Variants in GABRR2 observed in about 807,000 individuals in gnomAD.
GABRR2 encodes the protein gamma-aminobutyric acid type A receptor subunit rho2, also known as gamma-aminobutyric acid receptor subunit rho-2.
GABRR2 carries 36 observed loss-of-function variants against 47.0 expected under a neutral mutation model. That is an observed-to-expected ratio of 0.77 (90% CI 0.59 to 1.01). The LOEUF (loss-of-function observed/expected upper bound fraction) is 1.01, where lower values mean the gene tolerates loss of function less well. Among genes scored for constraint, GABRR2 ranks in the 50% least tolerant of loss-of-function variants. The pLI is 0.00. For missense variants in GABRR2, 587 were observed against 594.6 expected, an observed-to-expected ratio of 0.99 and a Z score of 0.13; for synonymous variants, 204 against 227.5, an observed-to-expected ratio of 0.90 and a Z score of 0.93.
At chr6:89,285,522 C>G (rs535510710) in intron 2 of GABRR2, among the ~76,000 whole-genome samples, 1 of 152,206 alleles carries the variant, frequency 6.6e-6, no homozygotes, top group Admixed American at 6.5e-5. Context: ...TGTGGCTCCT[C>G]CCTCCAGAGC....
Position 89,315,240 on chromosome 6 carries a change from T to C in GABRR2, c.-75A>G, listed in dbSNP as rs753235812. 15 of 1,605,866 alleles carry C rather than the reference T, an allele frequency of 9.3e-6. No homozygotes were observed. Among genetic ancestry groups the C allele is most frequent in the Non-Finnish European group, 1.3e-5 (15 of 1,175,184 alleles). On this transcript the variant is annotated 5_prime_UTR_variant, in exon 1 of 9. An upstream start codon of the reference 5' UTR is lost. Transcript: ENST00000402938. ...GAGCAAATCCCCCCTGGCTTGACCA[T>C]TGATCCATCTGCTGCCTCCTGACGG...
chr6:89,268,978 T>C, intron 4 of GABRR2, 33 bp downstream of exon 4: 1 of 1,589,604 alleles, frequency 6.3e-7, no homozygotes, highest in Non-Finnish European at 8.6e-7. Context: ...AGAAAGGCAC[T>C]GGACAGAGGA....
At chr6:89,302,341 C>A in intron 1 of GABRR2, 1 of 565,734 alleles carries the variant, frequency 1.8e-6, no homozygotes, top group African/African-American at 1.9e-5. Flanking sequence ...GCTGTCCATC[C>A]ACCAGCTGGT....
intron 1 of GABRR2, among the ~76,000 whole-genome samples, chr6:89,307,509 AT>A (rs1313898531): frequency 6.6e-6 from 1 of 152,222 alleles, no homozygotes; most frequent in African/African-American, 2.4e-5. Flanking sequence ...CTGGAAATTT[AT>A]TAAAGCTCCT....
intron 1 of GABRR2, chr6:89,302,507 AG>A (rs1767473324): frequency 1.4e-6 from 1 of 738,628 alleles, no homozygotes; most frequent in African/African-American, 1.8e-5. Flanking sequence ...TTCCCGGGCC[AG>A]CTCAATGCGG....
chr6:89,255,826 T>C lies in GABRR2; in HGVS notation c.*1844A>G, dbSNP rs1773589895. Among the ~76,000 whole-genome samples, 1 of 152,184 alleles carries C rather than the reference T, an allele frequency of 6.6e-6. No homozygotes were observed. Among genetic ancestry groups the C allele is most frequent in the Non-Finnish European group, 1.5e-5 (1 of 68,036 alleles). ...GCCCAGTGCAGTAGCTACTAGCAACTGTGCTTACTAAGCCCACTTGAGTGT... is the reference window on the plus strand; with the variant it reads ...GCCCAGTGCAGTAGCTACTAGCAACCGTGCTTACTAAGCCCACTTGAGTGT... On this transcript the variant is annotated 3_prime_UTR_variant, in exon 9 of 9. Coordinates refer to ENST00000402938, the MANE Select transcript of GABRR2 (RefSeq NM_002043.5).
At chr6:89,277,827 G>A (rs1774190338) in intron 2 of GABRR2, among the ~76,000 whole-genome samples, 1 of 129,312 alleles carries the variant, frequency 7.7e-6, no homozygotes, top group African/African-American at 2.9e-5. Context: ...AAGGATATGG[G>A]GCAACAGGAA....
intron 2 of GABRR2, among the ~76,000 whole-genome samples, chr6:89,291,340 A>G (rs1774436734): frequency 6.6e-6 from 1 of 152,114 alleles, no homozygotes; most frequent in Non-Finnish European, 1.5e-5. Flanking sequence ...CCTAAAGCCC[A>G]AGACGCATCC....
chr6:89,268,244 C>A, intron 4 of GABRR2, 148 bp from the exon 5 acceptor site: 1 of 680,980 alleles, frequency 1.5e-6, no homozygotes, highest in Non-Finnish European at 2.7e-6. Flanking sequence ...AGTTATAGAA[C>A]CTTAACTTCT....
At chr6:89,269,354 C>G (rs1562358933) in intron 3 of GABRR2, 120 bp from the exon 4 acceptor site, 7 of 753,260 alleles carry the variant, frequency 9.3e-6, no homozygotes, top group South Asian at 1.6e-5. Context: ...TCAGAGGTAA[C>G]AGTTCTGCAG....
chr6:89,285,901 G>T (rs1375839246), intron 2 of GABRR2, among the ~76,000 whole-genome samples: 2 of 151,870 alleles, frequency 1.3e-5, no homozygotes, highest in Admixed American at 6.6e-5. Context: ...GGGGTGCCCT[G>T]CTTGAAACTC....
rs141245331 is a variant in GABRR2, at chr6:89,299,828, G to T, written c.151C>A (p.Arg51=). 2.5e-6 allele frequency: 4 copies of T among 1,613,696 alleles called. No homozygotes were observed. In the Admixed American group the frequency reaches 6.7e-5, roughly 27 times the overall value. Residue 51 remains arginine (R), a synonymous_variant, in exon 2 of 9, where the codon CGG becomes AGG. Transcript: ENST00000402938. ...YKKNLDVTKI[R]KGKPQQLLRV... Reference sequence around the variant, plus strand: ...AGAAGCTGCTGAGGCTTTCCCTTCCGGATCTTGGTCACATCAAGGTTCTTC... The same window carrying T: ...AGAAGCTGCTGAGGCTTTCCCTTCCTGATCTTGGTCACATCAAGGTTCTTC...
intron 2 of GABRR2, among the ~76,000 whole-genome samples, chr6:89,297,585 T>A (rs1774578053): frequency 6.6e-6 from 1 of 152,216 alleles, no homozygotes; most frequent in Admixed American, 6.5e-5. Context: ...CTGGGCACAG[T>A]GGCACACGCC....
chr6:89,270,891 A>G (rs1044928466), intron 3 of GABRR2, among the ~76,000 whole-genome samples: 4 of 152,208 alleles, frequency 2.6e-5, no homozygotes, highest in Non-Finnish European at 4.4e-5. Context: ...CAACCAATAT[A>G]TAAGAAAACT....
intron 8 of GABRR2, among the ~76,000 whole-genome samples, chr6:89,258,355 T>C (rs756015185): frequency 2.9e-4 from 44 of 152,206 alleles, no homozygotes; most frequent in Non-Finnish European, 5.4e-4. Flanking sequence ...AGCAGGACTC[T>C]AAATCCACAT....
intron 1 of GABRR2, chr6:89,302,119 G>A (rs2127848065): frequency 1.6e-6 from 1 of 613,856 alleles, no homozygotes; most frequent in East Asian, 3.2e-5. Flanking sequence ...CGGAGCTGGT[G>A]GATTCCCTCC....
chr6:89,273,564 G>A (rs1774100675), intron 2 of GABRR2, among the ~76,000 whole-genome samples: 1 of 152,192 alleles, frequency 6.6e-6, no homozygotes, highest in African/African-American at 2.4e-5. Context: ...GGCTCCAGAA[G>A]TGCTTTGAGG....
intron 4 of GABRR2, 49 bp downstream of exon 4, chr6:89,268,962 C>T (rs373992917): frequency 5.2e-5 from 80 of 1,543,520 alleles, no homozygotes; most frequent in Non-Finnish European, 7.1e-5. Flanking sequence ...CCTGACCACA[C>T]ATACCAGAAA....
intron 8 of GABRR2, among the ~76,000 whole-genome samples, chr6:89,259,881 CTCTTTT>C (rs776374553): frequency 9.1e-5 from 13 of 143,018 alleles, no homozygotes; most frequent in Admixed American, 1.4e-4. Flanking sequence ...ATCTCTCTCT[CTCTTTT>C]TTTTTTTTTT....
Sources: gnomAD v4.1 joint callset for allele counts (sites outside exome capture counted in the v4.1 genomes callset) on GRCh38, gnomAD v4.1.1 for gene constraint, MANE v1.5 for transcripts, NCBI Gene and HGNC (gene_info 2026-07-23, HGNC 2026-07-21) for gene names.